RELN: variants seen among roughly 807,000 people sequenced by gnomAD.
The protein encoded by RELN is reelin.
A neutral mutation model predicts 427.6 loss-of-function variants in RELN; 108 were observed. That is an observed-to-expected ratio of 0.25 (90% CI 0.22 to 0.30). The LOEUF (loss-of-function observed/expected upper bound fraction) is 0.30. Among genes scored for constraint, RELN ranks in the 10% least tolerant of loss-of-function variants. The probability of loss-of-function intolerance (pLI) is 1.00; values close to 1 mark genes in which losing one functional copy is unlikely to be tolerated. For synonymous variants in RELN, 1,524 were observed against 1,513.4 expected, an observed-to-expected ratio of 1.01 and a Z score of -0.16; for missense variants, 3,715 against 4,302.8, an observed-to-expected ratio of 0.86 and a Z score of 3.82.
chr7:103,898,306 G>A (rs559532907), intron 2 of RELN, among the ~76,000 whole-genome samples: 1 of 152,064 alleles, frequency 6.6e-6, no homozygotes, highest in African/African-American at 2.4e-5. Flanking sequence ...TTTAATGAGA[G>A]TATACTAGTC....
chr7:103,941,936 C>G (rs1184874453), intron 1 of RELN, among the ~76,000 whole-genome samples: 1 of 151,110 alleles, frequency 6.6e-6, no homozygotes, highest in Non-Finnish European at 1.5e-5. Flanking sequence ...TGTCAAAATA[C>G]TATATTATCA....
chr7:103,494,394 G>GTGTGTGA (rs774896895), intron 57 of RELN, among the ~76,000 whole-genome samples: 11 of 134,548 alleles, frequency 8.2e-5, no homozygotes, highest in African/African-American at 3.3e-4. Context: ...TGTGTGTGTG[G>GTGTGTGA]GATATGGTCT....
intron 51 of RELN, 24 bp downstream of exon 51, chr7:103,510,827 A>G: frequency 6.3e-7 from 1 of 1,588,114 alleles, no homozygotes. Context: ...GGTTGTTTAT[A>G]TAATCAAGAT....
At chr7:103,741,034 T>C (rs1584453497) in intron 6 of RELN, among the ~76,000 whole-genome samples, 1 of 152,346 alleles carries the variant, frequency 6.6e-6, no homozygotes, top group East Asian at 1.9e-4. Context: ...GATTCCCTTT[T>C]CCATACTGTT....
At chr7:103,672,233 TTC>T (rs900876326) in intron 11 of RELN, among the ~76,000 whole-genome samples, 6 of 152,168 alleles carry the variant, frequency 3.9e-5, no homozygotes, top group African/African-American at 1.4e-4. Context: ...GATTCATTGG[TTC>T]TCTCTCTTGG....
intron 28 of RELN, among the ~76,000 whole-genome samples, chr7:103,583,635 C>T (rs532286684): frequency 6.6e-6 from 1 of 152,306 alleles, no homozygotes; most frequent in East Asian, 1.9e-4. Flanking sequence ...GAGTAGATAA[C>T]CATACCTTGA....
rs964191577 is a variant in RELN, at chr7:103,593,745, A to C, written c.3849T>G (p.Asp1283Glu). Reference sequence around the variant, plus strand: ...CTCGAGTTACTGCAAATCGATCTCCATCTGATTTTCCAAATATCATTGCTG... The same window carrying C: ...CTCGAGTTACTGCAAATCGATCTCCCTCTGATTTTCCAAATATCATTGCTG... ...TPSAMIFGKS[D>E]GDRFAVTRDL... Residue 1283 changes from aspartate to glutamate, a missense_variant, in exon 27 of 65, where the codon GAT becomes GAG. This residue lies in a region of RELN where 2,208 missense variants were observed against 2,361.7 expected (regional missense o/e 0.93). Coordinates refer to ENST00000428762, the MANE Select transcript of RELN (RefSeq NM_005045.4). 19 of 1,613,634 alleles carry C rather than the reference A, an allele frequency of 1.2e-5. No homozygotes were observed. Among genetic ancestry groups the C allele is most frequent in the Non-Finnish European group, 1.5e-5 (18 of 1,179,698 alleles).
chr7:103,904,014 C>A (rs905435291), intron 2 of RELN, among the ~76,000 whole-genome samples: 1 of 152,072 alleles, frequency 6.6e-6, no homozygotes, highest in African/African-American at 2.4e-5. Flanking sequence ...CACTCCCCAC[C>A]CCCGACAGGC....
Position 103,545,183 on chromosome 7 carries a change from G to A in RELN, c.6464C>T (p.Ser2155Leu). Residue 2155 changes from serine (S) to leucine (L), a missense_variant, in exon 42 of 65, where the codon TCA (serine) becomes TTA (leucine). Transcript: ENST00000428762. ...GGTGCTTATTTTACAGGTTGGACCTGAGTAGCCAGGGTCACATATACATTT... is the reference window on the plus strand; with the variant it reads ...GGTGCTTATTTTACAGGTTGGACCTAAGTAGCCAGGGTCACATATACATTT... ...GTKCICDPGY[S>L]GPTCKISTKN... 1 of 1,614,130 alleles carries A rather than the reference G, an allele frequency of 6.2e-7. No individual in the cohort carries two copies. The highest frequency in any genetic ancestry group is 1.3e-5 in the African/African-American group (1 of 75,044).
At chr7:103,920,088 T>C (rs1034815471) in intron 1 of RELN, among the ~76,000 whole-genome samples, 31 of 89,032 alleles carry the variant, frequency 3.5e-4, no homozygotes, top group African/African-American at 1.3e-3. Flanking sequence ...TTGAAGAATG[T>C]GAAATACACT....
chr7:103,594,208 A>T, intron 26 of RELN, 113 bp downstream of exon 26: 1 of 1,107,510 alleles, frequency 9.0e-7, no homozygotes, highest in Non-Finnish European at 1.4e-6. Context: ...ACAAGCCCTT[A>T]AACTTATATT....
At chr7:103,628,469 A>C (rs1200118762) in intron 20 of RELN, 1 of 152,194 alleles carries the variant, frequency 6.6e-6, no homozygotes, top group African/African-American at 2.4e-5. Context: ...ATTTCATTCT[A>C]TCCAGTTTGA....
intron 11 of RELN, among the ~76,000 whole-genome samples, chr7:103,674,423 T>G (rs1833466226): frequency 6.6e-6 from 1 of 151,814 alleles, no homozygotes; most frequent in Non-Finnish European, 1.5e-5. Context: ...CCCATGGAGG[T>G]GGTTTTCCTT....
intron 7 of RELN, 152 bp from the exon 8 acceptor site, chr7:103,723,343 T>C (rs766479996): frequency 8.5e-5 from 56 of 655,256 alleles, no homozygotes; most frequent in Non-Finnish European, 1.3e-4. Context: ...TTAGTTCATT[T>C]TATCAATGTG....
chr7:103,862,085 C>A (rs1794083249), intron 2 of RELN, among the ~76,000 whole-genome samples: 1 of 152,100 alleles, frequency 6.6e-6, no homozygotes, highest in South Asian at 2.1e-4. Context: ...GTCATAACTC[C>A]AACCTCTCTT....
rs79620906 is a variant in RELN at position 103,651,729 on chromosome 7, G to A, written c.1824C>T (p.Cys608=). ...GGGGTCCAGCACAGATCTCAGGTAA[G>A]CATTCAGTGTGAAGGAGGGACCAGG... is the stretch of plus-strand genomic sequence containing the variant. ...GRSWSLLHTE[C]LPEICAGPHL... is the part of the protein sequence containing the mutation. The change falls in exon 15 of 65, where the codon TGC becomes TGT. Residue 608 remains cysteine, a synonymous_variant. Coordinates refer to ENST00000428762, the MANE Select transcript of RELN (RefSeq NM_005045.4). 1,376 of 1,611,852 alleles carry A rather than the reference G, an allele frequency of 8.5e-4. 11 individuals carry two copies. In the African/African-American group the frequency reaches 0.017, roughly 19 times the overall value.
At chr7:103,729,064 C>T (rs936108074) in intron 6 of RELN, among the ~76,000 whole-genome samples, 6 of 152,104 alleles carry the variant, frequency 3.9e-5, no homozygotes, top group African/African-American at 1.4e-4. Flanking sequence ...TTTACGGTAA[C>T]ATTTACAATT....
intron 1 of RELN, among the ~76,000 whole-genome samples, chr7:103,934,249 G>T (rs1036657758): frequency 1.3e-5 from 2 of 152,026 alleles, no homozygotes; most frequent in Non-Finnish European, 2.9e-5. Flanking sequence ...TTTATACCTG[G>T]TGTCCTCTGT....
chr7:103,506,472 C>T (rs374058189), intron 51 of RELN, among the ~76,000 whole-genome samples: 39 of 152,042 alleles, frequency 2.6e-4, no homozygotes, highest in South Asian at 4.1e-4. Context: ...GCTTCATAAG[C>T]GAAGGATAAA....
Sources: gnomAD v4.1 joint callset for allele counts (sites outside exome capture counted in the v4.1 genomes callset) on GRCh38, gnomAD v4.1.1 for gene constraint, gnomAD v4.1.1 regional missense constraint, MANE v1.5 for transcripts, NCBI Gene and HGNC (gene_info 2026-07-23, HGNC 2026-07-21) for gene names.